Variants in USP6 observed in about 807,000 individuals in gnomAD.
USP6 encodes ubiquitin carboxyl-terminal hydrolase 6.
USP6 carries 128 observed loss-of-function variants against 175.7 expected under a neutral mutation model. That is an observed-to-expected ratio of 0.73 (90% confidence interval 0.63 to 0.84). The LOEUF (loss-of-function observed/expected upper bound fraction) is 0.84, where lower values mean the gene tolerates loss of function less well. Among genes scored for constraint, USP6 ranks in the 40% least tolerant of loss-of-function variants. USP6 has a pLI of 0.00. For synonymous variants in USP6, 562 were observed against 630.6 expected (o/e 0.89, Z 1.63); for missense variants, 1,498 against 1,760.3 (o/e 0.85, Z 2.67).
intron 4 of USP6, among the ~76,000 whole-genome samples, chr17:5,123,419 T>C (rs1188220587): frequency 6.6e-6 from 1 of 151,782 alleles, no homozygotes; most frequent in African/African-American, 2.4e-5. Flanking sequence ...GGGGCCTCCG[T>C]GAAGGCCAGC....
intron 21 of USP6, 166 bp from the exon 22 acceptor site, chr17:5,139,089 C>T (rs1232158098): frequency 1.3e-6 from 2 of 1,594,818 alleles, no homozygotes; most frequent in Non-Finnish European, 8.5e-7. Flanking sequence ...AGGCAGCACA[C>T]ACCCCTCCCT....
chr17:5,130,330 G>T, intron 9 of USP6, 37 bp from the exon 10 acceptor site: 1 of 1,609,854 alleles, frequency 6.2e-7, no homozygotes, highest in South Asian at 1.1e-5. Flanking sequence ...CGAAGCTGTC[G>T]GGTACAGTGT....
chr17:5,139,482 G>A lies in USP6; in HGVS notation c.1306G>A (p.Ala436Thr). Reference sequence around the variant, plus strand: ...GGGCACTCAGGGTGTGCCCAGCCTGGCCCTGGCTCAGGGAGGACCTCAGGG... The same window carrying A: ...GGGCACTCAGGGTGTGCCCAGCCTGACCCTGGCTCAGGGAGGACCTCAGGG... ...PVGTQGVPSL[A>T]LAQGGPQGSW... The change falls in exon 22 of 38, where the codon GCC becomes ACC. Residue 436 changes from alanine (A) to threonine (T), a missense_variant. Ala to Thr is a moderately conservative substitution (Grantham distance 58). Coordinates refer to ENST00000574788, the MANE Select transcript of USP6 (RefSeq NM_001304284.2). 2 of 1,613,484 alleles carry A rather than the reference G, an allele frequency of 1.2e-6. No homozygotes were observed. Among genetic ancestry groups the A allele is most frequent in the Non-Finnish European group, 1.7e-6 (2 of 1,180,038 alleles).
At chr17:5,142,705 C>G (rs1014267575) in intron 25 of USP6, among the ~76,000 whole-genome samples, 1 of 152,010 alleles carries the variant, frequency 6.6e-6, no homozygotes, top group Non-Finnish European at 1.5e-5. Flanking sequence ...GGATAAAGAC[C>G]AAAGGTACAC....
At chr17:5,118,772 G>A (rs947771858) in intron 2 of USP6, among the ~76,000 whole-genome samples, 2 of 152,140 alleles carry the variant, frequency 1.3e-5, no homozygotes, top group Non-Finnish European at 2.9e-5. Flanking sequence ...TAGAGAGGGG[G>A]TAGAAAGGGC....
chr17:5,162,999 G>A lies in USP6; in HGVS notation c.3031G>A (p.Glu1011Lys). Residue 1011 changes from glutamate to lysine, a missense_variant, in exon 33 of 38, where the codon GAA (glutamate) becomes AAA (lysine). Glu to Lys is a moderately conservative substitution (Grantham distance 56, BLOSUM62 1). Transcript: ENST00000574788. ...ALHLRYQTSQERVVDKHESVE... is the reference protein window; with the variant it reads ...ALHLRYQTSQKRVVDKHESVE... ...TCACCTTCGCTATCAAACATCCCAG[G>A]AAAGGGTAAGAATTTAGGGCCACCG... is the stretch of plus-strand genomic sequence containing the variant. 1 of 1,576,840 alleles carries A rather than the reference G, an allele frequency of 6.3e-7. No homozygotes were observed. The highest frequency in any genetic ancestry group is 2.3e-5 in the East Asian group (1 of 43,220).
chr17:5,138,411 AAAGT>A (rs1266888723), intron 21 of USP6, 138 bp downstream of exon 21: 9 of 1,490,964 alleles, frequency 6.0e-6, no homozygotes, highest in Non-Finnish European at 8.1e-6. Flanking sequence ...GGACTCTAAG[AAAGT>A]ACAGGAGGCC....
At position 5,174,758 on chromosome 17, in the gene USP6, G is replaced by C. The variant is rs2074290022; in HGVS notation, c.*1780G>C. 2 of 200,498 alleles carry C rather than the reference G, an allele frequency of 1.0e-5. No homozygotes were observed. The highest frequency in any genetic ancestry group is 3.8e-4 in the South Asian group (2 of 5,232). The allele number at this position is 200,498 out of a possible 1,614,324, so 12.4% of individuals were successfully genotyped here. On this transcript the variant is annotated 3_prime_UTR_variant, in exon 38 of 38. Coordinates refer to ENST00000574788, the MANE Select transcript of USP6 (RefSeq NM_001304284.2). The stretch of plus-strand genomic sequence containing the variant: ...AATTTTTTTAATTCATGAACTAGCG[G>C]AAAATTTATTAAATTAACTATTAAC...
rs2072547244 is a variant in USP6, at chr17:5,116,716, G to T, written c.-1952G>T. ...TTTCGAGTCGGGCCGACCGGAATTTGAATTCGTTTCTTCACTTACTAGTTG... is the reference window on the plus strand; with the variant it reads ...TTTCGAGTCGGGCCGACCGGAATTTTAATTCGTTTCTTCACTTACTAGTTG... On this transcript the variant is annotated 5_prime_UTR_variant, in exon 1 of 38. Coordinates refer to ENST00000574788, the MANE Select transcript of USP6 (RefSeq NM_001304284.2). 1 of 152,272 alleles carries T rather than the reference G, an allele frequency of 6.6e-6. No individual in the cohort carries two copies. The highest frequency in any genetic ancestry group is 2.4e-5 in the African/African-American group (1 of 41,466). The allele number at this position is 152,272 out of a possible 1,614,324, so 9.4% of individuals were successfully genotyped here.
In USP6 at chr17:5,133,551, G is replaced by A. The variant is rs1290802291; in HGVS notation, c.384+1G>A. On this transcript the variant is annotated splice_donor_variant, in intron 14 of 37. Transcript: ENST00000574788. LOFTEE classifies it high-confidence loss of function. ...GTTGAAAAACCCCGGAAGATACCAG[G>A]TATGCTCAGCCAGAGCACAACAAAC... is the stretch of plus-strand genomic sequence containing the variant. 11 of 1,581,760 alleles carry A rather than the reference G, an allele frequency of 7.0e-6. No homozygotes were observed. The highest frequency in any genetic ancestry group is 9.5e-6 in the Non-Finnish European group (11 of 1,162,016).
At chr17:5,166,814 CTCCTTCTTCAT>C (rs2074105423) in intron 33 of USP6, among the ~76,000 whole-genome samples, 2 of 151,884 alleles carry the variant, frequency 1.3e-5, no homozygotes, top group South Asian at 4.2e-4. Flanking sequence ...CCTTCCTTCT[CTCCTTCTTCAT>C]TCTACACCAC....
Position 5,117,126 on chromosome 17 carries a change from A to G in USP6, c.-1928+386A>G, listed in dbSNP as rs548844668. Reference sequence around the variant, plus strand: ...TGGTTGCAACTTTATTAATGATTCTAATTAGTTTCTCTTCTACAATTATAA... The same window carrying G: ...TGGTTGCAACTTTATTAATGATTCTGATTAGTTTCTCTTCTACAATTATAA... On this transcript the variant is annotated intron_variant, in intron 1 of 37. Transcript: ENST00000574788. Among the ~76,000 whole-genome samples the G allele has an allele frequency of 3.9e-5, 6 of 152,288 alleles. No homozygotes were observed. In the South Asian group the frequency reaches 1.2e-3, roughly 32 times the overall value.
chr17:5,164,273 A>C (rs1450241262), intron 33 of USP6, among the ~76,000 whole-genome samples: 3 of 152,222 alleles, frequency 2.0e-5, no homozygotes, highest in Non-Finnish European at 4.4e-5. Context: ...TTTAGATCCC[A>C]AAATATGCCC....
Position 5,155,526 on chromosome 17 carries a change from A to G in USP6, c.2748A>G (p.Leu916=), listed in dbSNP as rs754100411. The G allele has an allele frequency of 9.9e-6, 16 of 1,614,094 alleles. No individual in the cohort carries two copies. The highest frequency in any genetic ancestry group is 8.3e-5 in the Admixed American group (5 of 59,994). Residue 916 remains leucine, a synonymous_variant, in exon 31 of 38, where the codon CTA becomes CTG. Coordinates refer to ENST00000574788, the MANE Select transcript of USP6 (RefSeq NM_001304284.2). ...CTGTGCATACCCGGAAGAAAGACCT[A>G]TATGATGCGGTTTGGATTCAAGTAT... ...PCTVHTRKKD[L]YDAVWIQVSW... is the part of the protein sequence containing the mutation.
At chr17:5,127,420 C>G (rs530484959) in intron 6 of USP6, 84 bp from the exon 7 acceptor site, 19 of 152,410 alleles carry the variant, frequency 1.2e-4, no homozygotes, top group African/African-American at 4.6e-4. Flanking sequence ...AACTGACCCA[C>G]TATTCTCATA....
At chr17:5,138,710 G>A (rs1318540001) in intron 21 of USP6, among the ~76,000 whole-genome samples, 2 of 152,216 alleles carry the variant, frequency 1.3e-5, no homozygotes, top group Non-Finnish European at 2.9e-5. Context: ...GGGAGACAAG[G>A]GAATCGGGTG....
At position 5,135,279 on chromosome 17, in the gene USP6, C is replaced by A. The variant is rs750862063; in HGVS notation, c.540C>A (p.Asn180Lys). 2.5e-6 allele frequency: 4 copies of A among 1,612,684 alleles called. No homozygotes were observed. In the Admixed American group the frequency reaches 5.0e-5, roughly 20 times the overall value. The change falls in exon 16 of 38, where the codon AAC becomes AAA. Residue 180 changes from asparagine (N) to lysine (K), a missense_variant. Transcript: ENST00000574788. ...TCCTCCTGGCCTATTCGGAGTATAA[C>A]CCGGTGAGTATTCCCGGCAGTGAGG... Reference protein sequence around the residue: ...FYILLAYSEYNPEVGYCRDLS... With the variant: ...FYILLAYSEYKPEVGYCRDLS...
At chr17:5,131,826 A>G (rs1401509803) in intron 11 of USP6, among the ~76,000 whole-genome samples, 1 of 151,460 alleles carries the variant, frequency 6.6e-6, no homozygotes, top group Non-Finnish European at 1.5e-5. Flanking sequence ...GAGGGAGCTG[A>G]TGAGCCGTGC....
chr17:5,143,946 A>AGAAT (rs1357110499), intron 25 of USP6, among the ~76,000 whole-genome samples: 2 of 152,264 alleles, frequency 1.3e-5, no homozygotes, highest in East Asian at 3.9e-4. Context: ...AAAAAGTAGA[A>AGAAT]GAATGAATGA....
Sources: allele counts gnomAD v4.1 joint callset (sites outside exome capture counted in the v4.1 genomes callset), GRCh38; gene constraint gnomAD v4.1.1; transcripts MANE v1.5; gene names NCBI Gene and HGNC (gene_info 2026-07-23, HGNC 2026-07-21).